AXDND1: variants seen among roughly 807,000 people sequenced by gnomAD.
AXDND1 encodes axonemal dynein light chain domain-containing protein 1.
A neutral mutation model predicts 137.5 loss-of-function variants in AXDND1; 110 were observed. The ratio of observed to expected loss-of-function variants is 0.80; its 90% CI spans 0.69 to 0.94. AXDND1 has a LOEUF of 0.94. Ranked by LOEUF, AXDND1 falls within the 40% of genes least tolerant of loss-of-function variation. The pLI is 0.00. For missense variants in AXDND1, 1,191 were observed against 1,169.8 expected (o/e 1.02, Z -0.26); for synonymous variants, 414 against 399.7 (o/e 1.04, Z -0.43).
At chr1:179,415,558 A>G (rs577870192) in intron 12 of AXDND1, among the ~76,000 whole-genome samples, 28 of 152,328 alleles carry the variant, frequency 1.8e-4, no homozygotes, top group African/African-American at 6.3e-4. Flanking sequence ...GCATGGTCGC[A>G]GAACTGTGAA....
chr1:179,421,037 CT>C (rs1407917518), intron 12 of AXDND1, among the ~76,000 whole-genome samples: 623 of 7,638 alleles, frequency 0.082, 4 homozygotes, highest in Admixed American at 0.14. Flanking sequence ...TTGGGTATCC[CT>C]TCCTTCCTTC....
intron 25 of AXDND1, chr1:179,551,702 G>A: frequency 2.0e-6 from 1 of 505,988 alleles, no homozygotes; most frequent in East Asian, 3.4e-5. Flanking sequence ...GGAGTTATTA[G>A]CATCTGGTGG....
intron 25 of AXDND1, chr1:179,551,551 A>G (rs578218811): frequency 5.8e-6 from 8 of 1,375,962 alleles, no homozygotes; most frequent in South Asian, 3.6e-5. Flanking sequence ...AGCATCTACT[A>G]TGTGGCAAGC....
At chr1:179,529,551 G>A (rs1670863221) in intron 23 of AXDND1, among the ~76,000 whole-genome samples, 1 of 152,242 alleles carries the variant, frequency 6.6e-6, no homozygotes, top group Non-Finnish European at 1.5e-5. Context: ...TTACCTTGGT[G>A]AATCAGGTTA....
At chr1:179,543,659 G>C (rs1176475541) in intron 25 of AXDND1, 2 of 152,120 alleles carry the variant, frequency 1.3e-5, no homozygotes, top group Non-Finnish European at 2.9e-5. Context: ...TGTACAAGAG[G>C]GAAGGAGGAG....
intron 24 of AXDND1, 78 bp from the exon 25 acceptor site, chr1:179,534,651 CT>C (rs1671340828): frequency 6.7e-7 from 1 of 1,498,208 alleles, no homozygotes; most frequent in Non-Finnish European, 8.9e-7. Flanking sequence ...ATCTCACTGC[CT>C]TTTTAGAAAA....
intron 16 of AXDND1, chr1:179,457,375 GGC>G: frequency 2.3e-6 from 1 of 438,520 alleles, no homozygotes; most frequent in Non-Finnish European, 4.1e-6. Flanking sequence ...CTTCTTCGGC[GGC>G]GTCCAGGGGC....
At chr1:179,379,257 C>G (rs1304979480) in intron 5 of AXDND1, 140 bp from the exon 6 acceptor site, 2 of 818,106 alleles carry the variant, frequency 2.4e-6, no homozygotes, top group Non-Finnish European at 3.7e-6. Flanking sequence ...ACCCACATTG[C>G]TAATATTGTT....
At chr1:179,403,147 A>G (rs60289663) in intron 11 of AXDND1, among the ~76,000 whole-genome samples, 48,932 of 152,036 alleles carry the variant, frequency 0.32, 8,239 homozygotes, top group Middle Eastern at 0.43. Flanking sequence ...TGCATGTTAT[A>G]TATATATTAT....
chr1:179,539,732 G>T (rs186299462), intron 25 of AXDND1, among the ~76,000 whole-genome samples: 44 of 152,168 alleles, frequency 2.9e-4, no homozygotes, highest in African/African-American at 1.1e-3. Flanking sequence ...TTGAATATTC[G>T]CCTGCCTTGC....
In AXDND1 at chr1:179,385,372, A is replaced by G; in HGVS notation, c.863+13A>G. 1.2e-6 allele frequency: 2 copies of G among 1,613,870 alleles called. No homozygotes were observed. Among genetic ancestry groups the G allele is most frequent in the South Asian group, 1.1e-5 (1 of 91,046 alleles). On this transcript the variant is annotated intron_variant, in intron 9 of 25. Transcript: ENST00000367618. ...TGTCTAAAGTCAGGTTAGTGCTGTTATTGGAATGGTCCAGTTTCCTTTTGA... is the reference window on the plus strand; with the variant it reads ...TGTCTAAAGTCAGGTTAGTGCTGTTGTTGGAATGGTCCAGTTTCCTTTTGA...
In AXDND1 at chr1:179,430,437, A is replaced by G. The variant is rs780363529; in HGVS notation, c.1333-15A>G. 5.7e-6 allele frequency: 9 copies of G among 1,581,928 alleles called. No individual in the cohort carries two copies. In the Admixed American group the frequency reaches 7.5e-5, roughly 13 times the overall value. ...ATAAATGAATATATTATTTGATTCT[A>G]TGCATTTTATATAGGACACTGAAGA... On this transcript the variant is annotated splice_polypyrimidine_tract_variant and intron_variant, in intron 13 of 25. Transcript: ENST00000367618.
At chr1:179,378,616 T>C in intron 4 of AXDND1, 21 bp from the exon 5 acceptor site, 1 of 1,548,026 alleles carries the variant, frequency 6.5e-7, no homozygotes. Flanking sequence ...GTTTTGTAAA[T>C]ATATTTTTCT....
intron 17 of AXDND1, among the ~76,000 whole-genome samples, chr1:179,472,983 T>C (rs963830991): frequency 6.6e-6 from 1 of 152,160 alleles, no homozygotes. Context: ...AATTGGATTG[T>C]TAAATCCATT....
intron 15 of AXDND1, among the ~76,000 whole-genome samples, chr1:179,442,114 A>G (rs1394674988): frequency 6.6e-6 from 1 of 152,202 alleles, no homozygotes; most frequent in African/African-American, 2.4e-5. Context: ...ACAAGGTCCT[A>G]AGGGCTCTCC....
rs1247709244 is a variant in AXDND1 at position 179,488,634 on chromosome 1, CCTTTCTTTCT to C, written c.2092-2903_2092-2894del. The stretch of plus-strand genomic sequence containing the variant: ...TTTCTTTCTTTCTCTCTCTCTCTCT[CCTTTCTTTCT>C]TTCTTTCTTTCTTTCTTTCTTTCTT... On this transcript the variant is annotated intron_variant, in intron 18 of 25. Coordinates refer to ENST00000367618, the MANE Select transcript of AXDND1 (RefSeq NM_144696.6). Among the ~76,000 whole-genome samples the C allele has an allele frequency of 7.5e-4, 79 of 105,254 alleles. 11 individuals carry two copies. Among genetic ancestry groups the C allele is most frequent in the African/African-American group, 3.0e-3 (78 of 25,654 alleles). 69.1% of individuals were successfully genotyped at this position (105,254 alleles called of 152,430 possible).
At chr1:179,423,315 G>A (rs1656052948) in intron 12 of AXDND1, among the ~76,000 whole-genome samples, 2 of 151,764 alleles carry the variant, frequency 1.3e-5, no homozygotes, top group Admixed American at 6.6e-5. Context: ...TAAACTTTCA[G>A]TATGTATGTG....
rs960214773 is a variant in AXDND1 at position 179,542,344 on chromosome 1, G to A, written c.3031+7382G>A. Among the ~76,000 whole-genome samples the A allele has an allele frequency of 2.6e-5, 4 of 152,104 alleles. No homozygotes were observed. In the East Asian group the frequency reaches 5.8e-4, roughly 22 times the overall value. ...TTCTCTGTCAGTCCTATCTCCACCT[G>A]CCCCTCAGCAAAAGCAGTGAAGTTA... On this transcript the variant is annotated intron_variant, in intron 25 of 25. Coordinates refer to ENST00000367618, the MANE Select transcript of AXDND1 (RefSeq NM_144696.6).
rs1267042695 is a variant in AXDND1 at position 179,418,357 on chromosome 1, G to A, written c.1230+7091G>A. Among the ~76,000 whole-genome samples, 4 of 152,302 alleles carry A rather than the reference G, an allele frequency of 2.6e-5. No homozygotes were observed. The East Asian group carries it at 5.8e-4, about 22-fold the overall frequency. On this transcript the variant is annotated intron_variant, in intron 12 of 25. Transcript: ENST00000367618. Reference sequence around the variant, plus strand: ...AAGGCAGAAGAATTTTTCTTAGTACGGAACAAAATGAAAAGTCTCCCATGT... The same window carrying A: ...AAGGCAGAAGAATTTTTCTTAGTACAGAACAAAATGAAAAGTCTCCCATGT...
Sources: allele counts gnomAD v4.1 joint callset (sites outside exome capture counted in the v4.1 genomes callset), GRCh38; gene constraint gnomAD v4.1.1; transcripts MANE v1.5; gene names NCBI Gene and HGNC (gene_info 2026-07-23, HGNC 2026-07-21).